Variants in SRGAP3 observed in about 807,000 individuals in gnomAD.
The protein encoded by SRGAP3 is SLIT-ROBO Rho GTPase-activating protein 3.
Under a neutral mutation model 121.1 loss-of-function variants are expected in SRGAP3, and 39 were observed. The ratio of observed to expected loss-of-function variants is 0.32; its 90% CI spans 0.25 to 0.42. SRGAP3 has a LOEUF of 0.42. SRGAP3 is among the 10% of genes least tolerant of loss of function. The pLI, the probability that SRGAP3 is intolerant of heterozygous loss-of-function variation, is 1.00. For synonymous variants in SRGAP3, 601 were observed against 570.0 expected (o/e 1.05, Z -0.77); for missense variants, 1,213 against 1,470.6 (o/e 0.82, Z 2.86).
intron 9 of SRGAP3, among the ~76,000 whole-genome samples, chr3:9,052,136 T>G (rs1399613294): frequency 6.6e-6 from 1 of 152,154 alleles, no homozygotes; most frequent in East Asian, 1.9e-4. Flanking sequence ...AAACAAAAGC[T>G]TATAAGGCAA....
intron 12 of SRGAP3, 69 bp downstream of exon 12, chr3:9,032,581 G>C: frequency 1.5e-6 from 2 of 1,378,264 alleles, no homozygotes; most frequent in Non-Finnish European, 2.0e-6. Flanking sequence ...TGCTGGCAGG[G>C]AGGCGGGCGG....
intron 1 of SRGAP3, among the ~76,000 whole-genome samples, chr3:9,335,608 C>T (rs1186754918): frequency 2.0e-5 from 3 of 152,204 alleles, no homozygotes; most frequent in African/African-American, 7.2e-5. Flanking sequence ...AGGTTCCCCA[C>T]ACCAGTAGCA....
chr3:9,050,977 G>A (rs7609881), intron 9 of SRGAP3, among the ~76,000 whole-genome samples: 9,855 of 149,920 alleles, frequency 0.066, 380 homozygotes, highest in South Asian at 0.12. Flanking sequence ...GGTTTGTGAT[G>A]GGTTAAATGA....
At position 9,247,491 on chromosome 3, in the gene SRGAP3, C is replaced by A. The variant is rs138339571; in HGVS notation, c.67+1394G>T. Among the ~76,000 whole-genome samples, 5 of 152,208 alleles carry A rather than the reference C, an allele frequency of 3.3e-5. No individual in the cohort carries two copies. In the East Asian group the frequency reaches 9.7e-4, roughly 29 times the overall value. ...GAGACTGGAAAAAAAACAGATCCCTCCCCCCGTGGCTGCTCCACTCCCAAA... is the reference window on the plus strand; with the variant it reads ...GAGACTGGAAAAAAAACAGATCCCTACCCCCGTGGCTGCTCCACTCCCAAA... On this transcript the variant is annotated intron_variant, in intron 1 of 21. Coordinates refer to ENST00000383836, the MANE Select transcript of SRGAP3 (RefSeq NM_014850.4).
chr3:8,988,508 C>G (rs2648334), intron 21 of SRGAP3, among the ~76,000 whole-genome samples: 20,000 of 152,138 alleles, frequency 0.13, 1,686 homozygotes, highest in African/African-American at 0.23. Flanking sequence ...TCAAACTAGA[C>G]AGGGTGCAGA....
At chr3:9,254,049 G>C (rs1954072928), upstream of SRGAP3, among the ~76,000 whole-genome samples, 1 of 152,086 alleles carries the variant, frequency 6.6e-6, no homozygotes, top group Non-Finnish European at 1.5e-5. Context: ...CAAAAGCAAA[G>C]TCAAAGACCA....
At chr3:9,248,434 G>A (rs1392549726) in intron 1 of SRGAP3, among the ~76,000 whole-genome samples, 1 of 152,106 alleles carries the variant, frequency 6.6e-6, no homozygotes, top group Non-Finnish European at 1.5e-5. Flanking sequence ...GAAAGAGGCG[G>A]AGGCAAAACC....
intron 1 of SRGAP3, among the ~76,000 whole-genome samples, chr3:9,152,533 G>C (rs185569630): frequency 6.6e-6 from 1 of 152,232 alleles, no homozygotes; most frequent in African/African-American, 2.4e-5. Flanking sequence ...AAGTGAGCAG[G>C]GGGAGGAAGC....
chr3:9,134,757 G>C (rs954375534), intron 1 of SRGAP3, among the ~76,000 whole-genome samples: 9 of 152,146 alleles, frequency 5.9e-5, no homozygotes, highest in Admixed American at 3.9e-4. Flanking sequence ...CATCCACACA[G>C]AGCACCAGTC....
intron 2 of SRGAP3, among the ~76,000 whole-genome samples, chr3:9,106,512 G>T (rs1225606251): frequency 6.6e-6 from 1 of 152,160 alleles, no homozygotes; most frequent in African/African-American, 2.4e-5. Flanking sequence ...ATATAGTTTG[G>T]TTTTGTCCCC....
At chr3:9,255,836 C>A (rs1170175566) in intron 3 of SRGAP3, among the ~76,000 whole-genome samples, 1 of 152,186 alleles carries the variant, frequency 6.6e-6, no homozygotes. Flanking sequence ...TATAAAGCAT[C>A]TTCTCATTTA....
chr3:9,057,033 C>T (rs531179017), intron 7 of SRGAP3, among the ~76,000 whole-genome samples: 2 of 152,186 alleles, frequency 1.3e-5, no homozygotes, highest in South Asian at 4.1e-4. Flanking sequence ...AGGCACCTGC[C>T]ACCATGCCCA....
chr3:9,306,794 G>T (rs1574990089), intron 3 of SRGAP3, among the ~76,000 whole-genome samples: 1 of 152,018 alleles, frequency 6.6e-6, no homozygotes, highest in Non-Finnish European at 1.5e-5. Context: ...CAATCTCCTG[G>T]CTGCCACAAA....
Position 9,239,630 on chromosome 3 carries a change from G to A in SRGAP3, c.67+9255C>T, listed in dbSNP as rs529642265. Among the ~76,000 whole-genome samples the A allele has an allele frequency of 9.9e-5, 15 of 152,228 alleles. No individual in the cohort carries two copies. Among genetic ancestry groups the A allele is most frequent in the Admixed American group, 6.5e-4 (10 of 15,298 alleles). ...GCAGTGTGCACCCCATTACCATCACGCACAGATGGGCACACGCAATGCATA... is the reference window on the plus strand; with the variant it reads ...GCAGTGTGCACCCCATTACCATCACACACAGATGGGCACACGCAATGCATA... On this transcript the variant is annotated intron_variant, in intron 1 of 21. Coordinates refer to ENST00000383836, the MANE Select transcript of SRGAP3 (RefSeq NM_014850.4). This position sits in a 1 kb window ranked among gnomAD's most constrained non-coding sequence, Gnocchi z 4.0.
At chr3:9,007,218 C>T (rs1435062835) in intron 18 of SRGAP3, 1 of 152,148 alleles carries the variant, frequency 6.6e-6, no homozygotes, top group Non-Finnish European at 1.5e-5. Flanking sequence ...GATCTGCCCA[C>T]CTCAACTTCC....
chr3:9,103,291 C>T (rs758192847), intron 3 of SRGAP3, among the ~76,000 whole-genome samples: 35 of 152,206 alleles, frequency 2.3e-4, no homozygotes, highest in Non-Finnish European at 4.6e-4. Flanking sequence ...GAAACTGGCA[C>T]CTGGCAAGAA....
At position 9,356,358 on chromosome 3, in the gene SRGAP3, ATTTTTTTTTTTTTTTTT is replaced by A. The variant is rs869098475; in HGVS notation, n.214+6465_214+6481del. 1.3e-4 allele frequency among the ~76,000 whole-genome samples: 5 copies of A among 39,606 alleles called. No homozygotes were observed. In the Admixed American group the frequency reaches 1.3e-3, roughly 10 times the overall value. 26.0% of individuals were successfully genotyped at this position (39,606 alleles called of 152,430 possible). A position where few individuals can be genotyped will look rare whatever the true frequency, so the allele number is the denominator to read the frequency against. The stretch of plus-strand genomic sequence containing the variant: ...AGGTATGCACTATCATGGCCAGCTA[ATTTTTTTTTTTTTTTTT>A]TTTTTTTTTTTTTTTGAGACAGAGT... On this transcript the variant is annotated intron_variant and non_coding_transcript_variant, in intron 1 of 3. Transcript: ENST00000490889.
chr3:9,255,020 AAG>A (rs1559245600), intron 3 of SRGAP3, among the ~76,000 whole-genome samples: 5 of 82,038 alleles, frequency 6.1e-5, no homozygotes, highest in Admixed American at 1.3e-4. Flanking sequence ...AGGAAAAAGA[AAG>A]AGAAAGAAAG....
intron 18 of SRGAP3, chr3:9,007,638 T>C (rs1311880135): frequency 6.6e-6 from 1 of 152,206 alleles, no homozygotes; most frequent in Non-Finnish European, 1.5e-5. Context: ...ATGTTTCTTA[T>C]CCACCTCCCT....
Sources: allele counts gnomAD v4.1 joint callset (sites outside exome capture counted in the v4.1 genomes callset), GRCh38; gene constraint gnomAD v4.1.1; non-coding constraint Gnocchi (gnomAD v3.1); transcripts MANE v1.5; gene names NCBI Gene and HGNC (gene_info 2026-07-23, HGNC 2026-07-21).